TIAM1: variants seen among roughly 807,000 people sequenced by gnomAD.
The protein encoded by TIAM1 is rho guanine nucleotide exchange factor TIAM1.
TIAM1 carries 65 observed loss-of-function variants against 163.5 expected under a neutral mutation model. The ratio of observed to expected loss-of-function variants is 0.40; its 90% confidence interval spans 0.33 to 0.49. The LOEUF is 0.49. TIAM1 is among the 20% of genes least tolerant of loss of function. The pLI is 0.77. For missense variants in TIAM1, 1,789 were observed against 2,044.7 expected, an observed-to-expected ratio of 0.87 and a Z score of 2.41; for synonymous variants, 833 against 810.1, an observed-to-expected ratio of 1.03 and a Z score of -0.48.
At chr21:31,196,284 G>C (rs2085848033) in intron 12 of TIAM1, among the ~76,000 whole-genome samples, 1 of 151,640 alleles carries the variant, frequency 6.6e-6, no homozygotes, top group African/African-American at 2.4e-5. Flanking sequence ...TGAGGCTGCA[G>C]AGAGAAGGGA....
At chr21:31,455,648 G>C (rs931312361) in intron 2 of TIAM1, among the ~76,000 whole-genome samples, 1 of 152,180 alleles carries the variant, frequency 6.6e-6, no homozygotes, top group East Asian at 1.9e-4. Context: ...TAAACTATGA[G>C]TTAATAGTAG....
At position 31,120,207 on chromosome 21, in the gene TIAM1, A is replaced by T; in HGVS notation, c.*161T>A. 1 of 632,734 alleles carries T rather than the reference A, an allele frequency of 1.6e-6. No individual in the cohort carries two copies. The highest frequency in any genetic ancestry group is 2.3e-5 in the South Asian group (1 of 42,574). 39.2% of individuals were successfully genotyped at this position (632,734 alleles called of 1,614,324 possible). A position where few individuals can be genotyped will look rare whatever the true frequency, so the allele number is the denominator to read the frequency against. On this transcript the variant is annotated 3_prime_UTR_variant, in exon 28 of 28. Transcript: ENST00000541036. This position sits in a 1 kb window ranked among gnomAD's most constrained non-coding sequence, Gnocchi z 4.2. Reference sequence around the variant, plus strand: ...ATTCTTTCTGATGTTGTTGAAAATGACAAAGTTGGGTGGCTACATGGCTTC... The same window carrying T: ...ATTCTTTCTGATGTTGTTGAAAATGTCAAAGTTGGGTGGCTACATGGCTTC...
chr21:31,555,517 G>C (rs1388739877), intron 1 of TIAM1, among the ~76,000 whole-genome samples: 2 of 151,986 alleles, frequency 1.3e-5, no homozygotes, highest in African/African-American at 2.4e-5. Flanking sequence ...TCTTAACCAC[G>C]AGCCTGAGTC....
intron 2 of TIAM1, among the ~76,000 whole-genome samples, chr21:31,310,378 C>T (rs2074879045): frequency 6.6e-6 from 1 of 152,142 alleles, no homozygotes; most frequent in Non-Finnish European, 1.5e-5. Flanking sequence ...CTCCCACAGC[C>T]AGCCAGCTTT....
intron 1 of TIAM1, among the ~76,000 whole-genome samples, chr21:31,526,719 T>C (rs2047798226): frequency 6.6e-6 from 1 of 152,132 alleles, no homozygotes; most frequent in Non-Finnish European, 1.5e-5. Flanking sequence ...TTTGTTTGTT[T>C]GTGACAGAGT....
At chr21:31,427,823 T>G (rs980087711) in intron 2 of TIAM1, among the ~76,000 whole-genome samples, 6 of 151,308 alleles carry the variant, frequency 4.0e-5, no homozygotes, top group African/African-American at 1.5e-4. Flanking sequence ...AACAGAGCAA[T>G]ACCCCGTCTC....
At chr21:31,491,449 T>C (rs74584527) in intron 1 of TIAM1, among the ~76,000 whole-genome samples, 9,086 of 152,268 alleles carry the variant, frequency 0.06, 498 homozygotes, top group Admixed American at 0.16. Flanking sequence ...TGTCAGATTG[T>C]CTGGAGCTGA....
intron 10 of TIAM1, among the ~76,000 whole-genome samples, chr21:31,211,462 C>G (rs545772108): frequency 6.6e-6 from 1 of 152,140 alleles, no homozygotes; most frequent in Non-Finnish European, 1.5e-5. Flanking sequence ...AAATATGTAT[C>G]TACTGATGAC....
At chr21:31,404,779 T>G (rs1446006985) in intron 2 of TIAM1, among the ~76,000 whole-genome samples, 1 of 152,156 alleles carries the variant, frequency 6.6e-6, no homozygotes, top group African/African-American at 2.4e-5. Context: ...GGGTGGTGGG[T>G]ACCCAGGACC....
At chr21:31,391,377 C>G (rs1177275298) in intron 2 of TIAM1, among the ~76,000 whole-genome samples, 1 of 152,108 alleles carries the variant, frequency 6.6e-6, no homozygotes, top group Non-Finnish European at 1.5e-5. Context: ...GTAATCCTAG[C>G]ACTTTGGGAG....
chr21:31,133,434 C>G (rs575901080), intron 23 of TIAM1, among the ~76,000 whole-genome samples: 1 of 152,220 alleles, frequency 6.6e-6, no homozygotes, highest in Non-Finnish European at 1.5e-5. Context: ...ACACCAGGGA[C>G]AGGTGCTGTG....
intron 15 of TIAM1, among the ~76,000 whole-genome samples, chr21:31,181,102 A>C (rs1430729058): frequency 6.6e-6 from 1 of 152,206 alleles, no homozygotes; most frequent in East Asian, 1.9e-4. Context: ...AATAATGACA[A>C]AACCCCAACT....
At chr21:31,262,090 G>A (rs527270382) in intron 4 of TIAM1, among the ~76,000 whole-genome samples, 4 of 152,276 alleles carry the variant, frequency 2.6e-5, no homozygotes, top group East Asian at 1.9e-4. Context: ...TCAGAGACAC[G>A]GGAGAGCAGA....
chr21:31,305,368 G>C (rs1601896661), intron 2 of TIAM1, among the ~76,000 whole-genome samples: 2 of 152,022 alleles, frequency 1.3e-5, no homozygotes, highest in East Asian at 3.9e-4. Context: ...CAGCAGCAAG[G>C]GGGTAGCAAA....
intron 1 of TIAM1, among the ~76,000 whole-genome samples, chr21:31,548,649 A>T (rs1316524211): frequency 6.6e-6 from 1 of 150,694 alleles, no homozygotes; most frequent in Non-Finnish European, 1.5e-5. Context: ...CACCATGCCC[A>T]GCTAATTTTT....
At chr21:31,179,374 C>T (rs533785221) in intron 15 of TIAM1, among the ~76,000 whole-genome samples, 10 of 150,906 alleles carry the variant, frequency 6.6e-5, no homozygotes, top group South Asian at 2.1e-4. Context: ...GCAACAAGAC[C>T]GCAACTTCGT....
chr21:31,301,952 T>C (rs928335094), intron 2 of TIAM1, among the ~76,000 whole-genome samples: 1 of 150,396 alleles, frequency 6.6e-6, no homozygotes, highest in Non-Finnish European at 1.5e-5. Context: ...ATATATAAAA[T>C]GTGTGTGTAT....
At chr21:31,288,479 T>G (rs1489012405) in intron 2 of TIAM1, among the ~76,000 whole-genome samples, 1 of 152,126 alleles carries the variant, frequency 6.6e-6, no homozygotes, top group Non-Finnish European at 1.5e-5. Flanking sequence ...AACAGGCTCC[T>G]TCAAGTCTCT....
chr21:31,231,649 G>C (rs976101043), intron 6 of TIAM1, among the ~76,000 whole-genome samples: 3 of 152,194 alleles, frequency 2.0e-5, no homozygotes, highest in Non-Finnish European at 2.9e-5. Context: ...GACAGTGGTT[G>C]CTAGGGGCCG....
Sources: allele counts gnomAD v4.1 joint callset (sites outside exome capture counted in the v4.1 genomes callset), GRCh38; gene constraint gnomAD v4.1.1; non-coding constraint Gnocchi (gnomAD v3.1); transcripts MANE v1.5; gene names NCBI Gene and HGNC (gene_info 2026-07-23, HGNC 2026-07-21).